Variants in ZNG1A observed in about 807,000 individuals in gnomAD.
ZNG1A encodes zinc-regulated GTPase metalloprotein activator 1A.
the ZNG1A span, among the ~76,000 whole-genome samples, chr9:174,188 T>A: frequency 6.6e-6 from 1 of 151,454 alleles, no homozygotes; most frequent in Admixed American, 6.6e-5. Flanking sequence ...AATTCACATA[T>A]TTTCCTAGCA....
chr9:176,853 C>T, the ZNG1A span, among the ~76,000 whole-genome samples: 2 of 149,364 alleles, frequency 1.3e-5, no homozygotes, highest in Admixed American at 6.6e-5. Context: ...AAAAAAAAAA[C>T]ACTTTAAGAC....
the ZNG1A span, chr9:148,988 T>C: frequency 2.3e-4 from 35 of 149,736 alleles, 1 homozygote; most frequent in African/African-American, 3.8e-4. Flanking sequence ...TGACAGTAGA[T>C]AGCTCAGTAA....
chr9:153,460 G>GT, the ZNG1A span: 1 of 143,672 alleles, frequency 7.0e-6, no homozygotes, highest in South Asian at 2.4e-4. Flanking sequence ...ATTGTCTCAT[G>GT]TAATACTCAA....
chr9:173,906 G>C, the ZNG1A span, among the ~76,000 whole-genome samples: 1 of 152,058 alleles, frequency 6.6e-6, no homozygotes. Flanking sequence ...TAAACTTATA[G>C]GGAGGCCAAG....
the ZNG1A span, among the ~76,000 whole-genome samples, chr9:132,352 TAAA>T: frequency 1.1e-5 from 1 of 91,190 alleles, no homozygotes. Flanking sequence ...CCATCTCTAC[TAAA>T]AAAAAAAAAA....
At chr9:175,822 A>G in the ZNG1A span, 1 of 619,700 alleles carries the variant, frequency 1.6e-6, no homozygotes, top group South Asian at 2.1e-5. Flanking sequence ...AAAATTCAAA[A>G]TAATTTTAAA....
At chr9:150,116 G>GTTTTTTTTTTT in the ZNG1A span, 7 of 101,388 alleles carry the variant, frequency 6.9e-5, 3 homozygotes, top group African/African-American at 1.2e-4. Context: ...CAAATCTCCG[G>GTTTTTTTTTTT]TTTTGTTTTT....
the ZNG1A span, among the ~76,000 whole-genome samples, chr9:135,700 AACC>A: frequency 8.7e-6 from 1 of 114,566 alleles, no homozygotes; most frequent in Non-Finnish European, 1.6e-5. Flanking sequence ...AAGGACTGAA[AACC>A]TTGCAGATGC....
the ZNG1A span, among the ~76,000 whole-genome samples, chr9:140,255 G>C: frequency 2.0e-5 from 3 of 150,906 alleles, no homozygotes; most frequent in African/African-American, 2.4e-5. Flanking sequence ...GCAGACTTAA[G>C]TGTCCCTGTC....
the ZNG1A span, among the ~76,000 whole-genome samples, chr9:163,377 G>A: frequency 1.3e-5 from 2 of 151,270 alleles, no homozygotes; most frequent in African/African-American, 2.4e-5. Flanking sequence ...TATATTAAGG[G>A]CATAAATCAA....
At chr9:167,313 A>G in the ZNG1A span, 1 of 151,308 alleles carries the variant, frequency 6.6e-6, no homozygotes, top group African/African-American at 2.4e-5. Context: ...ATACTCACAA[A>G]TTCTTCCTAA....
chr9:158,466 T>C, the ZNG1A span, among the ~76,000 whole-genome samples: 1 of 150,798 alleles, frequency 6.6e-6, no homozygotes, highest in African/African-American at 2.5e-5. Context: ...TTTTAACGTA[T>C]GAAATTGCGG....
At chr9:155,506 A>G in the ZNG1A span, among the ~76,000 whole-genome samples, 2 of 152,166 alleles carry the variant, frequency 1.3e-5, no homozygotes, top group East Asian at 3.9e-4. Context: ...ACTGTATATT[A>G]TCTCTGTAAA....
chr9:173,280 A>ATT, the ZNG1A span: 1 of 1,595,540 alleles, frequency 6.3e-7, no homozygotes, highest in African/African-American at 1.4e-5. Context: ...TTCACTGAAC[A>ATT]GCAGAGGCAA....
the ZNG1A span, among the ~76,000 whole-genome samples, chr9:127,484 A>T: frequency 2.3e-3 from 351 of 152,252 alleles, no homozygotes; most frequent in Non-Finnish European, 3.9e-3. Flanking sequence ...TTTGTCTAAT[A>T]TAAGAATGGC....
the ZNG1A span, among the ~76,000 whole-genome samples, chr9:152,738 T>A: frequency 6.7e-6 from 1 of 150,294 alleles, no homozygotes; most frequent in Admixed American, 6.7e-5. Flanking sequence ...ATTTATCTTT[T>A]CCATTGCCTA....
the ZNG1A span, among the ~76,000 whole-genome samples, chr9:138,918 G>T: frequency 6.8e-5 from 10 of 147,330 alleles, no homozygotes; most frequent in Non-Finnish European, 1.3e-4. Context: ...TAAATAAAAA[G>T]AAAAGAAATA....
chr9:177,591 G>C, the ZNG1A span: 4 of 1,517,252 alleles, frequency 2.6e-6, no homozygotes, highest in Non-Finnish European at 3.6e-6. Flanking sequence ...GAAGCCAAAA[G>C]AACAGCGTTT....
At chr9:133,667 G>A in the ZNG1A span, among the ~76,000 whole-genome samples, 1 of 131,734 alleles carries the variant, frequency 7.6e-6, no homozygotes, top group Non-Finnish European at 1.6e-5. Flanking sequence ...CCCAATCCTG[G>A]AGACTGAGGG....
Sources: allele counts gnomAD v4.1 joint callset (sites outside exome capture counted in the v4.1 genomes callset), GRCh38; gene constraint gnomAD v4.1.1; transcripts MANE v1.5; gene names NCBI Gene and HGNC (gene_info 2026-07-23, HGNC 2026-07-21).